ARHGAP26: variants seen among roughly 807,000 people sequenced by gnomAD.
ARHGAP26 encodes the protein Rho GTPase activating protein 26.
A neutral mutation model predicts 104.8 loss-of-function variants in ARHGAP26; 38 were observed. The observed-to-expected ratio is 0.36, with a 90% CI of 0.28 to 0.48. The LOEUF (loss-of-function observed/expected upper bound fraction) is 0.48, where lower values mean the gene tolerates loss of function less well. Ranked by LOEUF, ARHGAP26 falls within the 20% of genes least tolerant of loss-of-function variation. The pLI, the probability that ARHGAP26 is intolerant of heterozygous loss-of-function variation, is 0.99. For synonymous variants in ARHGAP26, 341 were observed against 340.0 expected (o/e 1.00, Z -0.03); for missense variants, 704 against 947.9 (o/e 0.74, Z 3.38).
intron 12 of ARHGAP26, among the ~76,000 whole-genome samples, chr5:143,021,921 C>T (rs775490709): frequency 9.2e-5 from 14 of 152,142 alleles, no homozygotes; most frequent in Non-Finnish European, 1.6e-4. Context: ...ATTTAATCCT[C>T]GTTACTGTAT....
intron 11 of ARHGAP26, among the ~76,000 whole-genome samples, chr5:143,005,991 C>T (rs184674882): frequency 1.2e-4 from 19 of 152,250 alleles, no homozygotes; most frequent in Admixed American, 8.5e-4. Flanking sequence ...CCCAGTGGTA[C>T]CATAGGCTTC....
intron 1 of ARHGAP26, among the ~76,000 whole-genome samples, chr5:142,843,243 G>A (rs965973574): frequency 1.3e-5 from 2 of 152,198 alleles, no homozygotes; most frequent in Non-Finnish European, 2.9e-5. Flanking sequence ...CTCTCTGGCT[G>A]CTGCTGCTGT....
chr5:143,135,204 C>G (rs1797776216), intron 19 of ARHGAP26, among the ~76,000 whole-genome samples: 1 of 152,338 alleles, frequency 6.6e-6, no homozygotes, highest in African/African-American at 2.4e-5. Flanking sequence ...TGCTGCTCAT[C>G]AGCAGTGAGT....
rs538313330 is a variant in ARHGAP26, at chr5:143,047,339, C to T, written c.1285+5449C>T. 6.6e-5 allele frequency among the ~76,000 whole-genome samples: 10 copies of T among 152,306 alleles called. No individual in the cohort carries two copies. In the South Asian group the frequency reaches 2.1e-3, roughly 32 times the overall value. Reference sequence around the variant, plus strand: ...ACACTGGTCTAGTCATCTATTTCTGCATCTGTAATAATGGCTCCTGCCTCC... The same window carrying T: ...ACACTGGTCTAGTCATCTATTTCTGTATCTGTAATAATGGCTCCTGCCTCC... On this transcript the variant is annotated intron_variant, in intron 14 of 22. Transcript: ENST00000645722.
chr5:142,807,569 TG>T (rs1763221143), intron 1 of ARHGAP26, among the ~76,000 whole-genome samples: 1 of 152,320 alleles, frequency 6.6e-6, no homozygotes, highest in East Asian at 1.9e-4. Flanking sequence ...CACACTTTAT[TG>T]CTGCCCCTCT....
chr5:143,028,131 C>G (rs1358175253), intron 12 of ARHGAP26, among the ~76,000 whole-genome samples: 1 of 152,130 alleles, frequency 6.6e-6, no homozygotes, highest in Non-Finnish European at 1.5e-5. Flanking sequence ...ATTCCTTAAC[C>G]TGACTGAGCG....
In ARHGAP26 at chr5:143,227,936, C is replaced by T. The variant is rs1562653297; in HGVS notation, c.*5490C>T. 4.5e-6 allele frequency: 1 copy of T among 220,374 alleles called. No individual in the cohort carries two copies. The highest frequency in any genetic ancestry group is 2.2e-5 in the African/African-American group (1 of 44,602). The allele number at this position is 220,374 out of a possible 1,614,324, so 13.7% of individuals were successfully genotyped here. A position where few individuals can be genotyped will look rare whatever the true frequency, so the allele number is the denominator to read the frequency against. ...TGTGCCAGACATTACAGAGTGAAAA[C>T]GTCTCTCAAGGTGGAATGCTTTAGA... On this transcript the variant is annotated 3_prime_UTR_variant, in exon 23 of 23. Transcript: ENST00000645722.
intron 11 of ARHGAP26, among the ~76,000 whole-genome samples, chr5:142,970,696 T>G (rs1772139195): frequency 6.6e-6 from 1 of 152,122 alleles, no homozygotes; most frequent in Middle Eastern, 3.2e-3. Flanking sequence ...TGGGGAGGAA[T>G]GGTTCCCCAA....
intron 17 of ARHGAP26, among the ~76,000 whole-genome samples, chr5:143,113,979 G>A (rs1053155013): frequency 2.0e-5 from 3 of 152,146 alleles, no homozygotes; most frequent in Admixed American, 6.5e-5. Flanking sequence ...TTTGCCCGTC[G>A]TTAGCTGTGT....
intron 20 of ARHGAP26, among the ~76,000 whole-genome samples, chr5:143,148,769 T>C (rs908088049): frequency 5.9e-5 from 9 of 152,314 alleles, no homozygotes; most frequent in African/African-American, 2.2e-4. Flanking sequence ...TCCTAGACTT[T>C]AGGGAGATTC....
intron 7 of ARHGAP26, 85 bp from the exon 8 acceptor site, chr5:142,903,455 G>A (rs1760665653): frequency 2.8e-6 from 4 of 1,426,278 alleles, no homozygotes; most frequent in African/African-American, 1.4e-5. Flanking sequence ...TCTCATTTTA[G>A]ATCTAAGGAT....
intron 20 of ARHGAP26, among the ~76,000 whole-genome samples, chr5:143,195,173 C>G (rs1464564484): frequency 6.6e-6 from 1 of 152,214 alleles, no homozygotes; most frequent in South Asian, 2.1e-4. Context: ...TCATGGTATC[C>G]GGACCAAGGT....
At chr5:143,064,724 G>T (rs780717432) in intron 17 of ARHGAP26, among the ~76,000 whole-genome samples, 6 of 152,148 alleles carry the variant, frequency 3.9e-5, no homozygotes, top group African/African-American at 4.8e-5. Context: ...CCAGACCTTT[G>T]CTTACTTTCA....
chr5:143,100,728 T>A (rs1429858542), intron 17 of ARHGAP26, among the ~76,000 whole-genome samples: 1 of 152,202 alleles, frequency 6.6e-6, no homozygotes, highest in Non-Finnish European at 1.5e-5. Context: ...GGCATGCACT[T>A]GATTTTCATA....
intron 11 of ARHGAP26, among the ~76,000 whole-genome samples, chr5:142,966,508 C>T (rs1234644297): frequency 6.6e-6 from 1 of 152,180 alleles, no homozygotes; most frequent in Non-Finnish European, 1.5e-5. Flanking sequence ...GCATTGTTTC[C>T]TTTCATGAGT....
intron 11 of ARHGAP26, among the ~76,000 whole-genome samples, chr5:142,941,887 C>T (rs1766405322): frequency 6.6e-6 from 1 of 152,144 alleles, no homozygotes; most frequent in Non-Finnish European, 1.5e-5. Flanking sequence ...GTTGGTGGCA[C>T]TTACTCAGGT....
intron 12 of ARHGAP26, among the ~76,000 whole-genome samples, chr5:143,031,630 C>T (rs1416666184): frequency 6.6e-6 from 1 of 150,430 alleles, no homozygotes; most frequent in African/African-American, 2.5e-5. Context: ...CAGATGAGGT[C>T]CCAGAAGCTT....
intron 11 of ARHGAP26, among the ~76,000 whole-genome samples, chr5:142,986,434 A>G (rs919826638): frequency 1.3e-5 from 2 of 152,162 alleles, no homozygotes; most frequent in Non-Finnish European, 1.5e-5. Flanking sequence ...GTAGATTGTA[A>G]AAGTTCTCTC....
At chr5:143,206,371 A>G (rs1599511933) in intron 20 of ARHGAP26, among the ~76,000 whole-genome samples, 1 of 152,350 alleles carries the variant, frequency 6.6e-6, no homozygotes, top group South Asian at 2.1e-4. Flanking sequence ...AAGGGCTAAC[A>G]CAACCAATTA....
Sources: gnomAD v4.1 joint callset for allele counts (sites outside exome capture counted in the v4.1 genomes callset) on GRCh38, gnomAD v4.1.1 for gene constraint, MANE v1.5 for transcripts, NCBI Gene and HGNC (gene_info 2026-07-23, HGNC 2026-07-21) for gene names.